The following PRKCB variants were observed in gnomAD, a reference collection of about 807,000 sequenced individuals.
PRKCB encodes protein kinase C beta.
A neutral mutation model predicts 81.5 loss-of-function variants in PRKCB; 13 were observed. The ratio of observed to expected loss-of-function variants is 0.16; its 90% confidence interval spans 0.10 to 0.25. The LOEUF is 0.25. Ranked by LOEUF, PRKCB falls within the 10% of genes least tolerant of loss-of-function variation. PRKCB has a pLI of 1.00. For missense variants in PRKCB, 509 were observed against 875.7 expected, an observed-to-expected ratio of 0.58 and a Z score of 5.29; for synonymous variants, 335 against 321.4, an observed-to-expected ratio of 1.04 and a Z score of -0.45.
rs569836009 is a variant in PRKCB at position 24,217,425 on chromosome 16, A to C, written c.*2609A>C. The C allele has an allele frequency of 3.0e-6, 3 of 985,428 alleles. No homozygotes were observed. The Admixed American group carries it at 1.8e-4, about 60-fold the overall frequency. The allele number at this position is 985,428 out of a possible 1,614,324, so 61.0% of individuals were successfully genotyped here. On this transcript the variant is annotated 3_prime_UTR_variant, in exon 17 of 17. Coordinates refer to ENST00000643927, the MANE Select transcript of PRKCB (RefSeq NM_002738.7). ...GCAACAAGGACCTTCTTGGGGGATT[A>C]ATGGGAGGTCAGTAGAATTAATAAC... is the stretch of plus-strand genomic sequence containing the variant.
chr16:24,112,928 C>T lies in PRKCB; in HGVS notation c.822-45C>T, dbSNP rs768632460. On this transcript the variant is annotated intron_variant, in intron 7 of 16. Transcript: ENST00000643927. Reference sequence around the variant, plus strand: ...CATATGCTGATCAATAAAATAATACCGAGTCGAGTCATGAAATGTGTCCCA... The same window carrying T: ...CATATGCTGATCAATAAAATAATACTGAGTCGAGTCATGAAATGTGTCCCA... 5.4e-6 allele frequency: 7 copies of T among 1,302,636 alleles called. No homozygotes were observed. The East Asian group carries it at 7.1e-5, about 13-fold the overall frequency. 80.7% of individuals were successfully genotyped at this position (1,302,636 alleles called of 1,614,324 possible).
At chr16:24,097,906 TGA>T (rs1249549352) in intron 7 of PRKCB, among the ~76,000 whole-genome samples, 17 of 152,346 alleles carry the variant, frequency 1.1e-4, no homozygotes, top group Non-Finnish European at 2.2e-4. Flanking sequence ...ATCATGAAGA[TGA>T]AGCCTCCAGG....
At chr16:24,157,932 C>G (rs1162752316) in intron 10 of PRKCB, among the ~76,000 whole-genome samples, 1 of 152,086 alleles carries the variant, frequency 6.6e-6, no homozygotes, top group Non-Finnish European at 1.5e-5. Flanking sequence ...GTCTAATGGA[C>G]TAATGAGAAT....
At chr16:24,194,840 T>G (rs1967855279) in intron 16 of PRKCB, among the ~76,000 whole-genome samples, 1 of 152,140 alleles carries the variant, frequency 6.6e-6, no homozygotes, top group Admixed American at 6.5e-5. Context: ...TACTTCAAAG[T>G]GTTCTGGTAC....
chr16:24,059,386 A>C (rs1033093545), intron 5 of PRKCB, among the ~76,000 whole-genome samples: 1 of 152,134 alleles, frequency 6.6e-6, no homozygotes, highest in African/African-American at 2.4e-5. Flanking sequence ...GTCCAGGTGC[A>C]GTGGCTCATG....
At chr16:23,898,227 C>A (rs895579773) in intron 2 of PRKCB, among the ~76,000 whole-genome samples, 1 of 152,054 alleles carries the variant, frequency 6.6e-6, no homozygotes, top group Admixed American at 6.5e-5. Context: ...CACCACACCT[C>A]GCTAATTTTT....
At chr16:23,966,474 G>A (rs1360589853) in intron 2 of PRKCB, among the ~76,000 whole-genome samples, 1 of 152,174 alleles carries the variant, frequency 6.6e-6, no homozygotes, top group Non-Finnish European at 1.5e-5. Flanking sequence ...GCTGTAGAGA[G>A]GATTAAAGGA....
At chr16:24,036,210 CTGG>C (rs71154268) in intron 5 of PRKCB, among the ~76,000 whole-genome samples, 224 of 151,040 alleles carry the variant, frequency 1.5e-3, no homozygotes, top group African/African-American at 4.9e-3. Flanking sequence ...GGAGGAGCTG[CTGG>C]TGGTGGTGGT....
At chr16:23,863,651 A>G (rs1348161373) in intron 2 of PRKCB, among the ~76,000 whole-genome samples, 2 of 152,182 alleles carry the variant, frequency 1.3e-5, no homozygotes, top group Admixed American at 6.5e-5. Flanking sequence ...TCTATCCTGT[A>G]AATGTAACTG....
At chr16:24,147,172 G>A (rs1482637999) in intron 9 of PRKCB, among the ~76,000 whole-genome samples, 4 of 151,950 alleles carry the variant, frequency 2.6e-5, no homozygotes, top group Non-Finnish European at 4.4e-5. Flanking sequence ...GCCGGGCATC[G>A]TGGCGGGCGC....
At chr16:23,874,612 G>GTA in intron 2 of PRKCB, among the ~76,000 whole-genome samples, 1 of 144,722 alleles carries the variant, frequency 6.9e-6, no homozygotes. Flanking sequence ...CAGGAAATGA[G>GTA]TATATTTATG....
At chr16:23,928,464 C>T (rs1963927066) in intron 2 of PRKCB, among the ~76,000 whole-genome samples, 1 of 152,100 alleles carries the variant, frequency 6.6e-6, no homozygotes. Flanking sequence ...GTGCAAGGCA[C>T]TCTGGTATGC....
At chr16:24,040,555 C>T (rs997164483) in intron 5 of PRKCB, among the ~76,000 whole-genome samples, 2 of 152,306 alleles carry the variant, frequency 1.3e-5, no homozygotes, top group East Asian at 1.9e-4. Flanking sequence ...AAGGCATTAG[C>T]TCCATGAGGG....
At chr16:24,012,474 C>G (rs1405293108) in intron 3 of PRKCB, among the ~76,000 whole-genome samples, 1 of 152,216 alleles carries the variant, frequency 6.6e-6, no homozygotes, top group African/African-American at 2.4e-5. Flanking sequence ...CCTCTCTGGA[C>G]AAGTAGCCTC....
intron 2 of PRKCB, among the ~76,000 whole-genome samples, chr16:23,914,003 GT>G (rs113277685): frequency 2.1e-4 from 31 of 149,614 alleles, no homozygotes; most frequent in East Asian, 9.8e-4. Flanking sequence ...CCCAAGCTGT[GT>G]TTTTTTTTTC....
chr16:24,132,204 C>T (rs1002913127), intron 9 of PRKCB, among the ~76,000 whole-genome samples: 9 of 152,144 alleles, frequency 5.9e-5, no homozygotes, highest in African/African-American at 9.7e-5. Flanking sequence ...ACATCTGTCT[C>T]CCAGGTTATC....
At chr16:23,975,624 C>T (rs1271006144) in intron 2 of PRKCB, among the ~76,000 whole-genome samples, 3 of 152,246 alleles carry the variant, frequency 2.0e-5, no homozygotes, top group Admixed American at 1.3e-4. Flanking sequence ...AGGTGCATTA[C>T]GTCTTCTGCA....
chr16:24,090,568 A>T (rs572906279), intron 5 of PRKCB, among the ~76,000 whole-genome samples: 7 of 152,320 alleles, frequency 4.6e-5, no homozygotes, highest in Non-Finnish European at 7.3e-5. Flanking sequence ...GCTAAAATGC[A>T]CCATAAAATT....
chr16:24,123,406 C>T (rs765200499), intron 8 of PRKCB, among the ~76,000 whole-genome samples: 1 of 152,026 alleles, frequency 6.6e-6, no homozygotes, highest in South Asian at 2.1e-4. Flanking sequence ...GAAAGCACCT[C>T]GATCTTTACC....
Sources: gnomAD v4.1 joint callset for allele counts (sites outside exome capture counted in the v4.1 genomes callset) on GRCh38, gnomAD v4.1.1 for gene constraint, MANE v1.5 for transcripts, NCBI Gene and HGNC (gene_info 2026-07-23, HGNC 2026-07-21) for gene names.